Variants in SCFD2 observed in about 807,000 individuals in gnomAD.
The protein encoded by SCFD2 is sec1 family domain-containing protein 2.
SCFD2 carries 54 observed loss-of-function variants against 58.9 expected under a neutral mutation model. That is an observed-to-expected ratio of 0.92 (90% CI 0.74 to 1.15). The LOEUF is 1.15. Ranked by LOEUF, SCFD2 falls within the 50% of genes most tolerant of loss-of-function variation. The pLI, the probability that SCFD2 is intolerant of heterozygous loss-of-function variation, is 0.00. For missense variants in SCFD2, 805 were observed against 836.6 expected (o/e 0.96, Z 0.47); for synonymous variants, 321 against 335.9 (o/e 0.96, Z 0.49).
At chr4:53,161,827 T>C (rs1726861821) in intron 4 of SCFD2, among the ~76,000 whole-genome samples, 1 of 152,222 alleles carries the variant, frequency 6.6e-6, no homozygotes, top group African/African-American at 2.4e-5. Flanking sequence ...TATCATATTA[T>C]CATCAATCAA....
At chr4:52,970,059 G>T (rs1343259945) in intron 5 of SCFD2, among the ~76,000 whole-genome samples, 1 of 152,178 alleles carries the variant, frequency 6.6e-6, no homozygotes, top group Non-Finnish European at 1.5e-5. Flanking sequence ...GGCTGAATAG[G>T]AACAACTCCA....
At chr4:53,125,732 A>C (rs10016471) in intron 5 of SCFD2, among the ~76,000 whole-genome samples, 67,581 of 152,132 alleles carry the variant, frequency 0.44, 15,332 homozygotes, top group South Asian at 0.53. Flanking sequence ...TTTCTCCGTT[A>C]TGATGAAAGA....
At chr4:53,142,514 C>T (rs1177815391) in intron 5 of SCFD2, among the ~76,000 whole-genome samples, 1 of 152,222 alleles carries the variant, frequency 6.6e-6, no homozygotes, top group East Asian at 1.9e-4. Flanking sequence ...AACTTTCCAA[C>T]AGCAAACTGT....
intron 5 of SCFD2, among the ~76,000 whole-genome samples, chr4:52,970,683 A>T (rs374560191): frequency 6.9e-4 from 105 of 152,302 alleles, no homozygotes; most frequent in African/African-American, 2.5e-3. Flanking sequence ...TTCTCCCAGC[A>T]CGCAGCCGGA....
chr4:53,235,772 T>G (rs1411061653), intron 4 of SCFD2, among the ~76,000 whole-genome samples: 1 of 152,164 alleles, frequency 6.6e-6, no homozygotes, highest in Non-Finnish European at 1.5e-5. Flanking sequence ...GAAATGAAAG[T>G]ATGAGCATGC....
At chr4:52,882,984 C>T (rs1015370318) in intron 8 of SCFD2, among the ~76,000 whole-genome samples, 21 of 152,226 alleles carry the variant, frequency 1.4e-4, no homozygotes, top group African/African-American at 4.8e-4. Flanking sequence ...TTGCTGTTTA[C>T]ACCAATGATC....
At chr4:53,151,250 C>A (rs573001506) in intron 4 of SCFD2, among the ~76,000 whole-genome samples, 5 of 152,268 alleles carry the variant, frequency 3.3e-5, no homozygotes, top group Admixed American at 2.6e-4. Flanking sequence ...ACATGCACAG[C>A]AAACCAAATC....
chr4:53,345,477 G>T (rs1734029952), intron 2 of SCFD2, among the ~76,000 whole-genome samples: 1 of 152,174 alleles, frequency 6.6e-6, no homozygotes, highest in Non-Finnish European at 1.5e-5. Context: ...GGAGAAATAG[G>T]AAAACTTTTA....
chr4:53,324,409 C>T (rs1185771411), intron 2 of SCFD2, among the ~76,000 whole-genome samples: 1 of 131,990 alleles, frequency 7.6e-6, no homozygotes, highest in African/African-American at 2.9e-5. Flanking sequence ...CAGAGTGAGA[C>T]CCTGTCTCTC....
At chr4:52,877,582 C>A (rs1030715262) in intron 8 of SCFD2, among the ~76,000 whole-genome samples, 1 of 152,212 alleles carries the variant, frequency 6.6e-6, no homozygotes, top group African/African-American at 2.4e-5. Flanking sequence ...ATGTGAGGAT[C>A]AATGTGAACA....
At chr4:53,229,809 G>GA (rs1180300118) in intron 4 of SCFD2, among the ~76,000 whole-genome samples, 2 of 152,166 alleles carry the variant, frequency 1.3e-5, no homozygotes, top group South Asian at 2.1e-4. Flanking sequence ...CGCAGCAAAA[G>GA]AAACTACCAT....
chr4:52,978,910 A>C (rs1044350152), intron 5 of SCFD2, among the ~76,000 whole-genome samples: 9 of 152,050 alleles, frequency 5.9e-5, no homozygotes, highest in Non-Finnish European at 8.8e-5. Flanking sequence ...AGCCAGTGTA[A>C]CCTGTTGGAC....
chr4:53,046,417 GTTGCCCAGGCTA>G (rs1723040557), intron 5 of SCFD2, among the ~76,000 whole-genome samples: 1 of 151,966 alleles, frequency 6.6e-6, no homozygotes, highest in Non-Finnish European at 1.5e-5. Flanking sequence ...TTCTCATTAT[GTTGCCCAGGCTA>G]GTCTCAAACT....
chr4:53,050,283 A>G (rs1723154779), intron 5 of SCFD2, among the ~76,000 whole-genome samples: 1 of 152,224 alleles, frequency 6.6e-6, no homozygotes, highest in Non-Finnish European at 1.5e-5. Flanking sequence ...AGACATTTTC[A>G]AAATGGCACA....
intron 4 of SCFD2, among the ~76,000 whole-genome samples, chr4:53,220,366 C>T (rs73817541): frequency 6.6e-6 from 1 of 152,146 alleles, no homozygotes; most frequent in African/African-American, 2.4e-5. Context: ...TGTCTGTTTT[C>T]TTAACTAGAA....
At chr4:52,964,142 A>T (rs1461146320) in intron 5 of SCFD2, among the ~76,000 whole-genome samples, 1 of 152,228 alleles carries the variant, frequency 6.6e-6, no homozygotes, top group Admixed American at 6.5e-5. Flanking sequence ...CTGGGCACCA[A>T]TTTTAGAAAT....
chr4:53,195,771 G>A (rs1485064629), intron 4 of SCFD2, among the ~76,000 whole-genome samples: 4 of 152,232 alleles, frequency 2.6e-5, no homozygotes, highest in Admixed American at 2.6e-4. Flanking sequence ...TTTAGTGATA[G>A]TGCCCTGTTA....
At chr4:53,322,526 T>G (rs79985809) in intron 2 of SCFD2, among the ~76,000 whole-genome samples, 2,444 of 152,270 alleles carry the variant, frequency 0.016, 73 homozygotes, top group African/African-American at 0.056. Context: ...TATAAACATT[T>G]TTTATTCCTA....
Position 52,900,583 on chromosome 4 carries a change from G to A in SCFD2, c.1842+6874C>T, listed in dbSNP as rs546349679. Among the ~76,000 whole-genome samples the A allele has an allele frequency of 1.3e-4, 20 of 152,320 alleles. 1 individual carries two copies. The highest frequency in any genetic ancestry group is 4.6e-4 in the African/African-American group (19 of 41,580). On this transcript the variant is annotated intron_variant, in intron 7 of 8. Coordinates refer to ENST00000401642, the MANE Select transcript of SCFD2 (RefSeq NM_152540.4). ...GGTGCCTCCCAGTTAGGCTACTCGG[G>A]GGTCAGGGACCCACTTGAGGAGGCA...
Sources: gnomAD v4.1 joint callset for allele counts (sites outside exome capture counted in the v4.1 genomes callset) on GRCh38, gnomAD v4.1.1 for gene constraint, MANE v1.5 for transcripts, NCBI Gene and HGNC (gene_info 2026-07-23, HGNC 2026-07-21) for gene names.